Variants in CFAP206 observed in about 807,000 individuals in gnomAD.
CFAP206 encodes the protein cilia- and flagella-associated protein 206.
CFAP206 carries 53 observed loss-of-function variants against 65.4 expected under a neutral mutation model. The ratio of observed to expected loss-of-function variants is 0.81; its 90% CI spans 0.65 to 1.02. The LOEUF is 1.02. Ranked by LOEUF, CFAP206 falls within the 50% of genes least tolerant of loss-of-function variation. The pLI, the probability that CFAP206 is intolerant of heterozygous loss-of-function variation, is 0.00. For missense variants in CFAP206, 663 were observed against 753.2 expected, an observed-to-expected ratio of 0.88 and a Z score of 1.40; for synonymous variants, 250 against 254.4, an observed-to-expected ratio of 0.98 and a Z score of 0.17.
chr6:87,425,501 A>G (rs529292280), intron 7 of CFAP206, among the ~76,000 whole-genome samples: 1 of 152,316 alleles, frequency 6.6e-6, no homozygotes, highest in South Asian at 2.1e-4. Context: ...TTCATCCTTT[A>G]GATAGTCAAA....
Position 87,410,567 on chromosome 6 carries a change from G to A in CFAP206, c.109-18G>A, listed in dbSNP as rs375726499. The A allele has an allele frequency of 8.8e-6, 14 of 1,585,048 alleles. No individual in the cohort carries two copies. Among genetic ancestry groups the A allele is most frequent in the East Asian group, 4.5e-5 (2 of 44,744 alleles). On this transcript the variant is annotated intron_variant, in intron 2 of 12. Coordinates refer to ENST00000369562, the MANE Select transcript of CFAP206 (RefSeq NM_001031743.3). ...GGATTCTTTCCTAGTTAATGGACTC[G>A]TTCCTACTTTTTTCTAGGTGAAAGC...
chr6:87,422,427 A>G (rs1423674700), intron 7 of CFAP206, among the ~76,000 whole-genome samples: 5 of 142,360 alleles, frequency 3.5e-5, no homozygotes, highest in Admixed American at 1.4e-4. Context: ...TCCAGCTTGG[A>G]CAACGAGAGC....
intron 11 of CFAP206, among the ~76,000 whole-genome samples, chr6:87,457,867 A>G (rs1042305370): frequency 6.6e-6 from 1 of 152,190 alleles, no homozygotes; most frequent in African/African-American, 2.4e-5. Flanking sequence ...AAAGAAAACA[A>G]CAAAGTGAAG....
At position 87,414,673 on chromosome 6, in the gene CFAP206, A is replaced by G. The variant is rs528528705; in HGVS notation, c.283+773A>G. 1.0e-3 allele frequency among the ~76,000 whole-genome samples: 154 copies of G among 152,336 alleles called. 1 individual carries two copies. In the South Asian group the frequency reaches 0.017, roughly 17 times the overall value. On this transcript the variant is annotated intron_variant, in intron 4 of 12. Coordinates refer to ENST00000369562, the MANE Select transcript of CFAP206 (RefSeq NM_001031743.3). The stretch of plus-strand genomic sequence containing the variant: ...AAGAAAAAGGAAAATGTAATTCTCT[A>G]TGGACTGCCTCTGCACCTGCTATAT...
chr6:87,422,848 T>G (rs1288551615), intron 7 of CFAP206, among the ~76,000 whole-genome samples: 1 of 152,182 alleles, frequency 6.6e-6, no homozygotes, highest in Non-Finnish European at 1.5e-5. Flanking sequence ...TAGGACATTA[T>G]TAGAAAAAAA....
intron 10 of CFAP206, among the ~76,000 whole-genome samples, chr6:87,432,050 A>T (rs1172707941): frequency 1.3e-5 from 2 of 152,214 alleles, no homozygotes; most frequent in African/African-American, 4.8e-5. Flanking sequence ...GTGCTGTGTG[A>T]ATTGTGAATA....
Position 87,431,109 on chromosome 6 carries a change from G to A in CFAP206, c.1236G>A (p.Leu412=). 6.2e-7 allele frequency: 1 copy of A among 1,613,990 alleles called. No individual in the cohort carries two copies. Among genetic ancestry groups the A allele is most frequent in the Middle Eastern group, 1.6e-4 (1 of 6,062 alleles). ...AAACAACAGCAAATTTTGATAAACT[G>A]TTAATTCAATATCGGGGATTTTGTG... ...FPETTANFDK[L]LIQYRGFCAY... The change falls in exon 10 of 13, where the codon CTG becomes CTA. Residue 412 remains leucine (L), a synonymous_variant. Transcript: ENST00000369562.
Position 87,418,968 on chromosome 6 carries a change from C to T in CFAP206, c.840+552C>T, listed in dbSNP as rs145756170. Among the ~76,000 whole-genome samples, 9 of 151,998 alleles carry T rather than the reference C, an allele frequency of 5.9e-5. No individual in the cohort carries two copies. The East Asian group carries it at 9.7e-4, about 16-fold the overall frequency. ...CTCTACAAAAAGTACAAAACTTAGC[C>T]GGGCACAGTGACATGTGCCTGTATT... On this transcript the variant is annotated intron_variant, in intron 7 of 12. Transcript: ENST00000369562.
chr6:87,439,196 G>A (rs1275517112), intron 11 of CFAP206, among the ~76,000 whole-genome samples: 1 of 151,996 alleles, frequency 6.6e-6, no homozygotes, highest in Non-Finnish European at 1.5e-5. Flanking sequence ...ATATTGGATT[G>A]TCCCATCAAT....
chr6:87,461,260 T>C (rs1170939555), intron 12 of CFAP206, 95 bp downstream of exon 12: 14 of 814,624 alleles, frequency 1.7e-5, no homozygotes, highest in Non-Finnish European at 2.1e-5. Flanking sequence ...TTATATAAAA[T>C]AATGAGTTTT....
chr6:87,447,959 T>TATTATTATTATTATTATTATC (rs1768472868), intron 11 of CFAP206, among the ~76,000 whole-genome samples: 1 of 150,306 alleles, frequency 6.7e-6, no homozygotes, highest in African/African-American at 2.5e-5. Flanking sequence ...TCTTTATTAT[T>TATTATTATTATTATTATTATC]ATTATTATTA....
chr6:87,410,731 TA>T, intron 3 of CFAP206, 63 bp downstream of exon 3: 1 of 1,214,982 alleles, frequency 8.2e-7, no homozygotes, highest in South Asian at 1.2e-5. Flanking sequence ...ACAATATTTG[TA>T]TTAGTCATTA....
chr6:87,448,148 C>T (rs1768477906), intron 11 of CFAP206, among the ~76,000 whole-genome samples: 1 of 152,008 alleles, frequency 6.6e-6, no homozygotes. Context: ...ATGTTCCCCT[C>T]CCTGTGTCCA....
rs757010213 is a variant in CFAP206 at position 87,415,822 on chromosome 6, C to T, written c.420C>T (p.Leu140=). The T allele has an allele frequency of 1.9e-6, 3 of 1,611,636 alleles. No homozygotes were observed. The highest frequency in any genetic ancestry group is 2.5e-6 in the Non-Finnish European group (3 of 1,178,976). ...LYRKIISYVL[L]RSGLGSPTDI... is the part of the protein sequence containing the mutation. ...GGAAGATTATCAGCTATGTGTTACT[C>T]CGCTCTGGCCTTGGATCCCCTACAG... The change falls in exon 5 of 13, where the codon CTC becomes CTT. Residue 140 remains leucine (L), a synonymous_variant. Transcript: ENST00000369562.
intron 11 of CFAP206, among the ~76,000 whole-genome samples, chr6:87,458,684 A>C (rs959944865): frequency 2.0e-5 from 3 of 152,062 alleles, no homozygotes; most frequent in African/African-American, 7.2e-5. Flanking sequence ...GGGAGTGAGA[A>C]ATGGGGATGG....
Position 87,431,079 on chromosome 6 carries a change from C to T in CFAP206, c.1206C>T (p.Phe402=). ...VADFRKLEWL[F]PETTANFDKL... ...ATTTCAGAAAACTAGAATGGCTTTTCCCAGAAACAACAGCAAATTTTGATA... is the reference window on the plus strand; with the variant it reads ...ATTTCAGAAAACTAGAATGGCTTTTTCCAGAAACAACAGCAAATTTTGATA... The change falls in exon 10 of 13, where the codon TTC becomes TTT. Residue 402 remains phenylalanine, a synonymous_variant. Coordinates refer to ENST00000369562, the MANE Select transcript of CFAP206 (RefSeq NM_001031743.3). 5 of 1,613,792 alleles carry T rather than the reference C, an allele frequency of 3.1e-6. No homozygotes were observed. Among genetic ancestry groups the T allele is most frequent in the Non-Finnish European group, 4.2e-6 (5 of 1,179,800 alleles).
intron 11 of CFAP206, among the ~76,000 whole-genome samples, chr6:87,458,368 C>A (rs563215029): frequency 1.3e-5 from 2 of 152,228 alleles, no homozygotes; most frequent in East Asian, 3.9e-4. Flanking sequence ...ATCTGCACTC[C>A]CATATTTATT....
intron 12 of CFAP206, 21 bp downstream of exon 12, chr6:87,461,186 GAATT>G (rs1467864207): frequency 6.8e-7 from 1 of 1,476,106 alleles, no homozygotes; most frequent in South Asian, 1.4e-5. Context: ...ATACTTTCTA[GAATT>G]ATTTATATGT....
rs1420034068 is a variant in CFAP206 at position 87,418,089 on chromosome 6, A to G, written c.632-119A>G. The G allele has an allele frequency of 3.5e-6, 3 of 863,622 alleles. No individual in the cohort carries two copies. The East Asian group carries it at 8.0e-5, about 23-fold the overall frequency. 53.5% of individuals were successfully genotyped at this position (863,622 alleles called of 1,614,324 possible). A position where few individuals can be genotyped will look rare whatever the true frequency, so the allele number is the denominator to read the frequency against. ...AGGAAACACATGCCTCATTATTACT[A>G]ATTTGATTGGGGAGAAAAACCCTAA... On this transcript the variant is annotated intron_variant, in intron 6 of 12. Transcript: ENST00000369562.
Sources: gnomAD v4.1 joint callset for allele counts (sites outside exome capture counted in the v4.1 genomes callset) on GRCh38, gnomAD v4.1.1 for gene constraint, MANE v1.5 for transcripts, NCBI Gene and HGNC (gene_info 2026-07-23, HGNC 2026-07-21) for gene names.